PRDM5: variants seen among roughly 807,000 people sequenced by gnomAD.
PRDM5 encodes PR domain zinc finger protein 5.
A neutral mutation model predicts 81.2 loss-of-function variants in PRDM5; 56 were observed. The ratio of observed to expected loss-of-function variants is 0.69; its 90% CI spans 0.56 to 0.86. The LOEUF (loss-of-function observed/expected upper bound fraction) is 0.86. Among genes scored for constraint, PRDM5 ranks in the 40% least tolerant of loss-of-function variants. The probability of loss-of-function intolerance (pLI) is 0.00; values close to 1 mark genes in which losing one functional copy is unlikely to be tolerated. For missense variants in PRDM5, 697 were observed against 770.1 expected, an observed-to-expected ratio of 0.91 and a Z score of 1.12; for synonymous variants, 267 against 256.4, an observed-to-expected ratio of 1.04 and a Z score of -0.39.
intron 14 of PRDM5, among the ~76,000 whole-genome samples, chr4:120,724,552 T>C (rs1256067489): frequency 6.6e-6 from 1 of 152,192 alleles, no homozygotes; most frequent in African/African-American, 2.4e-5. Flanking sequence ...AGAACTGAAC[T>C]AATTCAATTT....
At chr4:120,734,257 T>G (rs1032465585) in intron 14 of PRDM5, among the ~76,000 whole-genome samples, 1 of 150,636 alleles carries the variant, frequency 6.6e-6, no homozygotes, top group African/African-American at 2.4e-5. Context: ...GTTTGTTTGT[T>G]TTTTTTTTAG....
At position 120,816,570 on chromosome 4, in the gene PRDM5, C is replaced by T; in HGVS notation, c.748G>A (p.Glu250Lys). 6.2e-7 allele frequency: 1 copy of T among 1,614,020 alleles called. No homozygotes were observed. Among genetic ancestry groups the T allele is most frequent in the South Asian group, 1.1e-5 (1 of 91,064 alleles). The change falls in exon 7 of 16, where the codon GAG becomes AAG. Residue 250 changes from glutamate (E) to lysine (K), a missense_variant. Physicochemically the swap from Glu to Lys is moderately conservative, Grantham distance 56. Coordinates refer to ENST00000264808, the MANE Select transcript of PRDM5 (RefSeq NM_018699.4). ...CCCCGGCAAGTCTCCTGGTGCTGCT[C>T]AAAACTACAAGACAACCAGCAAAGC... Reference protein sequence around the residue: ...NSSFSSASSFEQHQETCRGDA... With the variant: ...NSSFSSASSFKQHQETCRGDA...
At chr4:120,746,186 G>A (rs1335338237) in intron 14 of PRDM5, among the ~76,000 whole-genome samples, 1 of 52,098 alleles carries the variant, frequency 1.9e-5, no homozygotes, top group Non-Finnish European at 3.8e-5. Flanking sequence ...ATGGGGAAAG[G>A]ATTCCCTATT....
chr4:120,917,704 A>G (rs1042436358), intron 1 of PRDM5, among the ~76,000 whole-genome samples: 1 of 150,584 alleles, frequency 6.6e-6, no homozygotes. Flanking sequence ...AACAGAGCCA[A>G]GGTAGATACA....
chr4:120,860,677 G>A (rs1251637345), intron 2 of PRDM5, among the ~76,000 whole-genome samples: 1 of 151,206 alleles, frequency 6.6e-6, no homozygotes, highest in Non-Finnish European at 1.5e-5. Flanking sequence ...ATTGTTTTAG[G>A]GGTTTTCTGT....
At chr4:120,887,179 C>A (rs934649392) in intron 2 of PRDM5, among the ~76,000 whole-genome samples, 1 of 152,066 alleles carries the variant, frequency 6.6e-6, no homozygotes, top group Admixed American at 6.6e-5. Flanking sequence ...TTCCTGAACT[C>A]GTGATCCACC....
intron 14 of PRDM5, among the ~76,000 whole-genome samples, chr4:120,712,694 T>C (rs562836193): frequency 5.1e-4 from 77 of 152,384 alleles, no homozygotes; most frequent in African/African-American, 1.8e-3. Context: ...TTTGTGTGTG[T>C]TCTGTTGAGA....
At chr4:120,795,630 T>C (rs1057230095) in intron 10 of PRDM5, among the ~76,000 whole-genome samples, 21 of 151,520 alleles carry the variant, frequency 1.4e-4, no homozygotes, top group Non-Finnish European at 2.9e-4. Flanking sequence ...CTCTATATGC[T>C]GGCCAGGCAC....
At chr4:120,761,126 A>C (rs1029243710) in intron 13 of PRDM5, among the ~76,000 whole-genome samples, 1 of 152,224 alleles carries the variant, frequency 6.6e-6, no homozygotes, top group Non-Finnish European at 1.5e-5. Flanking sequence ...AAGTGTATCC[A>C]AATTCTCACT....
chr4:120,725,809 G>A (rs1739312054), intron 14 of PRDM5, among the ~76,000 whole-genome samples: 1 of 152,086 alleles, frequency 6.6e-6, no homozygotes, highest in Non-Finnish European at 1.5e-5. Flanking sequence ...CACACTGTAT[G>A]TGTCAGCCTG....
chr4:120,779,681 C>G (rs1320628827), intron 12 of PRDM5, among the ~76,000 whole-genome samples: 1 of 152,134 alleles, frequency 6.6e-6, no homozygotes, highest in Non-Finnish European at 1.5e-5. Context: ...GCGGGCACAT[C>G]ATTTGAGGTC....
intron 3 of PRDM5, among the ~76,000 whole-genome samples, chr4:120,847,556 T>C (rs867888597): frequency 1.3e-5 from 2 of 152,310 alleles, no homozygotes; most frequent in Middle Eastern, 3.4e-3. Flanking sequence ...ATGAAAGTCC[T>C]TGAACCAGAA....
chr4:120,857,398 T>C (rs1295034930), intron 2 of PRDM5, among the ~76,000 whole-genome samples: 2 of 152,262 alleles, frequency 1.3e-5, no homozygotes, highest in African/African-American at 4.8e-5. Context: ...GAAAGATACC[T>C]TCTTGTGAAA....
chr4:120,821,582 C>CAATTTTTAAA, intron 3 of PRDM5, among the ~76,000 whole-genome samples: 1 of 152,092 alleles, frequency 6.6e-6, no homozygotes, highest in East Asian at 1.9e-4. Flanking sequence ...AAATTATGTT[C>CAATTTTTAAA]AATTTTTAAA....
intron 2 of PRDM5, among the ~76,000 whole-genome samples, chr4:120,871,822 C>T (rs376622811): frequency 8.6e-5 from 13 of 151,246 alleles, no homozygotes; most frequent in African/African-American, 2.7e-4. Flanking sequence ...AACTTCTGTG[C>T]CATGTTGATA....
intron 9 of PRDM5, 140 bp from the exon 10 acceptor site, chr4:120,798,564 C>T (rs933313793): frequency 2.4e-5 from 16 of 668,132 alleles, no homozygotes; most frequent in Non-Finnish European, 3.5e-5. Context: ...CTACCATCCA[C>T]ATAATAGACA....
chr4:120,802,142 G>C (rs1041438137), intron 8 of PRDM5, among the ~76,000 whole-genome samples: 3 of 152,106 alleles, frequency 2.0e-5, no homozygotes, highest in Non-Finnish European at 2.9e-5. Context: ...GAATTGAACT[G>C]ATATTCCCAA....
chr4:120,704,291 A>C (rs567097187), intron 15 of PRDM5, among the ~76,000 whole-genome samples: 4 of 152,194 alleles, frequency 2.6e-5, no homozygotes, highest in Non-Finnish European at 2.9e-5. Context: ...AGTCAGTAAA[A>C]GACTCCAAAT....
At chr4:120,891,874 C>G (rs546853100) in intron 2 of PRDM5, among the ~76,000 whole-genome samples, 2 of 152,302 alleles carry the variant, frequency 1.3e-5, no homozygotes, top group Admixed American at 6.5e-5. Flanking sequence ...AAGCGATCCA[C>G]CTGCCTCGGT....
Sources: allele counts gnomAD v4.1 joint callset (sites outside exome capture counted in the v4.1 genomes callset), GRCh38; gene constraint gnomAD v4.1.1; transcripts MANE v1.5; gene names NCBI Gene and HGNC (gene_info 2026-07-23, HGNC 2026-07-21).